TMEFF2: variants seen among roughly 807,000 people sequenced by gnomAD.
TMEFF2 encodes transmembrane protein with EGF like and two follistatin like domains 2.
A neutral mutation model predicts 53.8 loss-of-function variants in TMEFF2; 28 were observed. The observed-to-expected ratio is 0.52, with a 90% CI of 0.39 to 0.71. TMEFF2 has a LOEUF of 0.71. Among genes scored for constraint, TMEFF2 ranks in the 30% least tolerant of loss-of-function variants. The pLI, the probability that TMEFF2 is intolerant of heterozygous loss-of-function variation, is 0.00. For missense variants in TMEFF2, 353 were observed against 455.2 expected (o/e 0.78, Z 2.04); for synonymous variants, 162 against 166.3 (o/e 0.97, Z 0.20).
chr2:192,094,746 T>A (rs571643828), intron 4 of TMEFF2, among the ~76,000 whole-genome samples: 1 of 152,352 alleles, frequency 6.6e-6, no homozygotes, highest in Admixed American at 6.5e-5. Context: ...ATTTTAATGT[T>A]TGATTAAGAA....
intron 7 of TMEFF2, among the ~76,000 whole-genome samples, chr2:191,994,444 T>C (rs1281658437): frequency 6.6e-6 from 1 of 151,618 alleles, no homozygotes; most frequent in Non-Finnish European, 1.5e-5. Context: ...CTTTTTTTTT[T>C]TGAAGCATGA....
intron 4 of TMEFF2, among the ~76,000 whole-genome samples, chr2:192,092,473 G>C (rs544398763): frequency 1.3e-5 from 2 of 152,224 alleles, no homozygotes; most frequent in South Asian, 4.1e-4. Context: ...GGGATCTTCA[G>C]TGCTCCCAAC....
At chr2:192,165,375 C>T in intron 4 of TMEFF2, among the ~76,000 whole-genome samples, 1 of 152,088 alleles carries the variant, frequency 6.6e-6, no homozygotes, top group Non-Finnish European at 1.5e-5. Context: ...ATATGTCTTT[C>T]TTGAAGAGTT....
intron 4 of TMEFF2, among the ~76,000 whole-genome samples, chr2:192,089,350 TC>T (rs1273218141): frequency 6.6e-6 from 1 of 151,970 alleles, no homozygotes; most frequent in Non-Finnish European, 1.5e-5. Context: ...AGTCTTTTTT[TC>T]CCCCCAAAGG....
chr2:192,170,803 A>G (rs1690890138), intron 4 of TMEFF2, among the ~76,000 whole-genome samples: 1 of 152,054 alleles, frequency 6.6e-6, no homozygotes, highest in Non-Finnish European at 1.5e-5. Flanking sequence ...AGTGACAGGC[A>G]CTGGAATAAT....
intron 5 of TMEFF2, among the ~76,000 whole-genome samples, chr2:192,026,312 T>G (rs780850083): frequency 4.7e-4 from 72 of 151,916 alleles, no homozygotes; most frequent in Non-Finnish European, 1.0e-4. Flanking sequence ...AAAGCTCAAG[T>G]GTAAAGACAA....
At chr2:192,014,159 T>C (rs1686695871) in intron 5 of TMEFF2, among the ~76,000 whole-genome samples, 2 of 152,152 alleles carry the variant, frequency 1.3e-5, no homozygotes, top group Non-Finnish European at 2.9e-5. Flanking sequence ...ATTAGACATT[T>C]TGGTATTTAA....
intron 5 of TMEFF2, among the ~76,000 whole-genome samples, chr2:192,010,523 T>C (rs1244631817): frequency 3.9e-5 from 2 of 51,580 alleles, no homozygotes; most frequent in Non-Finnish European, 7.7e-5. Flanking sequence ...TTACTGCCAC[T>C]TTTTTTTCCC....
chr2:192,170,291 A>G (rs1026692719), intron 4 of TMEFF2, among the ~76,000 whole-genome samples: 1 of 152,010 alleles, frequency 6.6e-6, no homozygotes, highest in African/African-American at 2.4e-5. Flanking sequence ...CAAAGGTCAT[A>G]TTTTTCTGCA....
At chr2:192,129,724 C>T (rs1294430049) in intron 4 of TMEFF2, among the ~76,000 whole-genome samples, 1 of 152,120 alleles carries the variant, frequency 6.6e-6, no homozygotes, top group African/African-American at 2.4e-5. Context: ...GGAGCAAGGT[C>T]CTTTGTATAT....
chr2:191,997,443 A>G (rs2105833738), intron 7 of TMEFF2, among the ~76,000 whole-genome samples: 1 of 151,892 alleles, frequency 6.6e-6, no homozygotes, highest in Middle Eastern at 3.5e-3. Context: ...AAAAGACAAG[A>G]AACAACTCTT....
intron 5 of TMEFF2, among the ~76,000 whole-genome samples, chr2:192,027,094 G>T (rs1686988544): frequency 6.6e-6 from 1 of 152,082 alleles, no homozygotes; most frequent in Non-Finnish European, 1.5e-5. Flanking sequence ...TAAGAGGTCA[G>T]AAAAAATCCA....
intron 5 of TMEFF2, among the ~76,000 whole-genome samples, chr2:192,025,606 A>G (rs988142425): frequency 6.6e-6 from 1 of 152,102 alleles, no homozygotes; most frequent in African/African-American, 2.4e-5. Context: ...TGCATTTTCT[A>G]TGGGAAGAGA....
At chr2:192,105,435 A>G in intron 4 of TMEFF2, among the ~76,000 whole-genome samples, 1 of 151,962 alleles carries the variant, frequency 6.6e-6, no homozygotes, top group Non-Finnish European at 1.5e-5. Flanking sequence ...GTTGGAAGGC[A>G]CTGAGCAATT....
At chr2:192,002,851 A>G (rs192648917) in intron 5 of TMEFF2, among the ~76,000 whole-genome samples, 1 of 152,234 alleles carries the variant, frequency 6.6e-6, no homozygotes, top group East Asian at 1.9e-4. Flanking sequence ...AAAACAAAAC[A>G]CAAAAACGAT....
intron 4 of TMEFF2, among the ~76,000 whole-genome samples, chr2:192,157,289 C>T (rs1229263961): frequency 6.6e-6 from 1 of 152,008 alleles, no homozygotes; most frequent in Non-Finnish European, 1.5e-5. Context: ...TTGATTTTGT[C>T]TCTTAGTAAC....
chr2:191,960,673 T>C (rs1692245909), intron 7 of TMEFF2, among the ~76,000 whole-genome samples: 1 of 152,204 alleles, frequency 6.6e-6, no homozygotes, highest in African/African-American at 2.4e-5. Context: ...CATTGATTCA[T>C]ACAGAAGAGT....
At chr2:192,033,885 C>A (rs1300901093) in intron 5 of TMEFF2, among the ~76,000 whole-genome samples, 1 of 152,070 alleles carries the variant, frequency 6.6e-6, no homozygotes, top group East Asian at 1.9e-4. Flanking sequence ...TTTAAAAAAT[C>A]CTTTTTTTGG....
chr2:192,009,952 TG>T (rs1356204367), intron 5 of TMEFF2, among the ~76,000 whole-genome samples: 1 of 152,216 alleles, frequency 6.6e-6, no homozygotes, highest in Non-Finnish European at 1.5e-5. Flanking sequence ...TTATCAACCT[TG>T]GTAAATAGTT....
Sources: gnomAD v4.1 joint callset for allele counts (sites outside exome capture counted in the v4.1 genomes callset) on GRCh38, gnomAD v4.1.1 for gene constraint, MANE v1.5 for transcripts, NCBI Gene and HGNC (gene_info 2026-07-23, HGNC 2026-07-21) for gene names.